Variants in ZNF385D observed in about 807,000 individuals in gnomAD.
ZNF385D encodes zinc finger protein 659.
In ZNF385D, 15 loss-of-function variants were observed where a neutral mutation model predicts 35.8. That is an observed-to-expected ratio of 0.42 (90% confidence interval 0.28 to 0.64). ZNF385D has a LOEUF of 0.64. Among genes scored for constraint, ZNF385D ranks in the 30% least tolerant of loss-of-function variants. The probability of loss-of-function intolerance (pLI) is 0.23; values close to 1 mark genes in which losing one functional copy is unlikely to be tolerated. For missense variants in ZNF385D, 474 were observed against 494.6 expected (o/e 0.96, Z 0.39); for synonymous variants, 212 against 186.8 (o/e 1.13, Z -1.10).
intron 3 of ZNF385D, among the ~76,000 whole-genome samples, chr3:21,547,239 C>T (rs2062405512): frequency 1.3e-5 from 2 of 152,122 alleles, no homozygotes; most frequent in Admixed American, 1.3e-4. Context: ...GGATTGGGCT[C>T]AGGAGAAGGG....
intron 3 of ZNF385D, among the ~76,000 whole-genome samples, chr3:21,947,645 C>A (rs773045916): frequency 2.0e-5 from 3 of 152,168 alleles, no homozygotes; most frequent in Middle Eastern, 6.8e-3. Context: ...CCACCGCGCC[C>A]GGCTATAAGT....
intron 3 of ZNF385D, among the ~76,000 whole-genome samples, chr3:21,915,575 G>A (rs780856507): frequency 1.3e-5 from 2 of 151,736 alleles, no homozygotes; most frequent in African/African-American, 2.4e-5. Flanking sequence ...TAGTGTTTAC[G>A]GTAAAGCATC....
intron 3 of ZNF385D, among the ~76,000 whole-genome samples, chr3:22,062,107 G>A (rs947844258): frequency 2.6e-5 from 4 of 152,040 alleles, no homozygotes; most frequent in Non-Finnish European, 4.4e-5. Context: ...GCATAATCAT[G>A]CCTCCCTGCA....
intron 4 of ZNF385D, among the ~76,000 whole-genome samples, chr3:21,497,094 G>T (rs1055323416): frequency 3.3e-5 from 5 of 152,078 alleles, no homozygotes; most frequent in African/African-American, 1.2e-4. Context: ...TAAATCAGAA[G>T]AGAAGAATTC....
At chr3:21,919,352 A>G (rs1329481809) in intron 3 of ZNF385D, among the ~76,000 whole-genome samples, 1 of 152,214 alleles carries the variant, frequency 6.6e-6, no homozygotes, top group Non-Finnish European at 1.5e-5. Flanking sequence ...ATGCACTTTG[A>G]AAGCTGCCTG....
intron 2 of ZNF385D, among the ~76,000 whole-genome samples, chr3:22,372,093 A>C (rs1454757657): frequency 6.6e-6 from 1 of 151,602 alleles, no homozygotes; most frequent in African/African-American, 2.4e-5. Context: ...CCAGCCCTCG[A>C]CTCTGGACAG....
intron 4 of ZNF385D, among the ~76,000 whole-genome samples, chr3:21,494,042 TACAAG>T (rs149592723): frequency 0.015 from 2,334 of 152,258 alleles, 30 homozygotes; most frequent in South Asian, 0.024. Flanking sequence ...TAGATAGCAT[TACAAG>T]AGCAAGCATA....
intron 3 of ZNF385D, among the ~76,000 whole-genome samples, chr3:21,555,058 C>G (rs1266079360): frequency 6.6e-6 from 1 of 152,146 alleles, no homozygotes; most frequent in Non-Finnish European, 1.5e-5. Context: ...ATTTTACAGT[C>G]ACAACTTAGC....
intron 6 of ZNF385D, 78 bp downstream of exon 6, chr3:21,425,414 A>G: frequency 7.2e-7 from 1 of 1,398,250 alleles, no homozygotes; most frequent in Non-Finnish European, 9.5e-7. Context: ...GACAGAAATA[A>G]AAAGGAAGGA....
chr3:21,812,253 A>G (rs2072952376), intron 3 of ZNF385D, among the ~76,000 whole-genome samples: 1 of 152,256 alleles, frequency 6.6e-6, no homozygotes, highest in South Asian at 2.1e-4. Flanking sequence ...TCGAATAGGA[A>G]CAGCTCCAGT....
chr3:22,270,221 T>C (rs1373924379), intron 2 of ZNF385D, among the ~76,000 whole-genome samples: 2 of 152,030 alleles, frequency 1.3e-5, no homozygotes, highest in Non-Finnish European at 2.9e-5. Context: ...CTGTGGTCAC[T>C]TACTCCTCCC....
intron 3 of ZNF385D, among the ~76,000 whole-genome samples, chr3:21,853,625 T>A (rs1438679725): frequency 2.7e-5 from 4 of 150,566 alleles, no homozygotes; most frequent in African/African-American, 9.8e-5. Flanking sequence ...GAAAAAAATA[T>A]GGAGGATAAA....
intron 1 of ZNF385D, among the ~76,000 whole-genome samples, chr3:21,731,734 C>T (rs1001772706): frequency 6.6e-6 from 1 of 152,102 alleles, no homozygotes; most frequent in African/African-American, 2.4e-5. Context: ...GAAAAAAAGC[C>T]ACACATAAAT....
Position 21,484,173 on chromosome 3 carries a change from G to T in ZNF385D, c.439+26688C>A, listed in dbSNP as rs140573703. On this transcript the variant is annotated intron_variant, in intron 4 of 7. Coordinates refer to ENST00000281523, the MANE Select transcript of ZNF385D (RefSeq NM_024697.3). ...TAGAGAAAAGAGCTCACCCTTCCCAGGGCTGAGCTCTAGACCTTGTTGGAC... is the reference window on the plus strand; with the variant it reads ...TAGAGAAAAGAGCTCACCCTTCCCATGGCTGAGCTCTAGACCTTGTTGGAC... 3.2e-3 allele frequency among the ~76,000 whole-genome samples: 486 copies of T among 152,274 alleles called. 1 individual carries two copies. Among genetic ancestry groups the T allele is most frequent in the Non-Finnish European group, 5.4e-3 (368 of 68,020 alleles).
At chr3:21,745,682 AAG>A (rs796643827) in intron 1 of ZNF385D, among the ~76,000 whole-genome samples, 10 of 152,236 alleles carry the variant, frequency 6.6e-5, no homozygotes, top group African/African-American at 2.4e-4. Flanking sequence ...GACAGACAGA[AAG>A]AGAGAGGGCA....
At chr3:22,371,308 A>G (rs1696894298) in intron 2 of ZNF385D, among the ~76,000 whole-genome samples, 1 of 152,152 alleles carries the variant, frequency 6.6e-6, no homozygotes, top group Non-Finnish European at 1.5e-5. Context: ...TAGCAAACAG[A>G]CTCAGCAGAA....
At position 21,980,417 on chromosome 3, in the gene ZNF385D, A is replaced by C. The variant is rs916534183; in HGVS notation, c.325+188400T>G. Reference sequence around the variant, plus strand: ...ATTTATTACATAAAAGTAGATAATAATGCAACGTAATAATGTAGATAATGA... The same window carrying C: ...ATTTATTACATAAAAGTAGATAATACTGCAACGTAATAATGTAGATAATGA... On this transcript the variant is annotated intron_variant, in intron 3 of 5. Transcript: ENST00000494108. 1.3e-5 allele frequency among the ~76,000 whole-genome samples: 2 copies of C among 152,210 alleles called. 1 individual carries two copies. The highest frequency in any genetic ancestry group is 4.1e-4 in the South Asian group (2 of 4,832).
At chr3:21,949,760 T>C (rs760651187) in intron 3 of ZNF385D, among the ~76,000 whole-genome samples, 3 of 151,910 alleles carry the variant, frequency 2.0e-5, no homozygotes, top group African/African-American at 7.3e-5. Context: ...CACGCGTCCA[T>C]GTGTTCTCAT....
chr3:21,494,939 AG>A (rs1320767040), intron 4 of ZNF385D, among the ~76,000 whole-genome samples: 2 of 152,154 alleles, frequency 1.3e-5, no homozygotes, highest in Non-Finnish European at 2.9e-5. Flanking sequence ...TTATAGGAAA[AG>A]ATTATTTCAG....
Sources: allele counts gnomAD v4.1 joint callset (sites outside exome capture counted in the v4.1 genomes callset), GRCh38; gene constraint gnomAD v4.1.1; transcripts MANE v1.5; gene names NCBI Gene and HGNC (gene_info 2026-07-23, HGNC 2026-07-21).